The following ROBO1 variants were observed in gnomAD, a reference collection of about 807,000 sequenced individuals.
ROBO1 encodes the protein roundabout guidance receptor 1.
In ROBO1, 149 loss-of-function variants were observed where a neutral mutation model predicts 195.9. That is an observed-to-expected ratio of 0.76 (90% CI 0.67 to 0.87). ROBO1 has a LOEUF of 0.87. Among genes scored for constraint, ROBO1 ranks in the 40% least tolerant of loss-of-function variants. ROBO1 has a pLI of 0.00. For synonymous variants in ROBO1, 816 were observed against 733.2 expected, an observed-to-expected ratio of 1.11 and a Z score of -1.82; for missense variants, 1,933 against 2,068.3, an observed-to-expected ratio of 0.93 and a Z score of 1.27.
At chr3:79,075,775 T>C (rs1006803644) in intron 3 of ROBO1, among the ~76,000 whole-genome samples, 1 of 151,940 alleles carries the variant, frequency 6.6e-6, no homozygotes, top group African/African-American at 2.4e-5. Flanking sequence ...TGTGTTTCAC[T>C]GGGCACTATA....
intron 3 of ROBO1, among the ~76,000 whole-genome samples, chr3:79,107,661 T>G (rs1468757423): frequency 6.6e-6 from 1 of 151,704 alleles, no homozygotes; most frequent in Non-Finnish European, 1.5e-5. Context: ...ATTTTCTAAA[T>G]TACCTGTATT....
chr3:79,311,676 T>C (rs1328083296), intron 2 of ROBO1, among the ~76,000 whole-genome samples: 1 of 152,156 alleles, frequency 6.6e-6, no homozygotes, highest in Non-Finnish European at 1.5e-5. Context: ...CTCCCAGAGA[T>C]GTGGCCTCCA....
intron 3 of ROBO1, among the ~76,000 whole-genome samples, chr3:78,957,515 G>T (rs1410491329): frequency 6.6e-6 from 1 of 152,164 alleles, no homozygotes; most frequent in African/African-American, 2.4e-5. Flanking sequence ...TGCAAGTTGT[G>T]TATGCAGAAC....
chr3:78,850,700 G>A (rs886374305), intron 4 of ROBO1, among the ~76,000 whole-genome samples: 5 of 152,154 alleles, frequency 3.3e-5, no homozygotes, highest in Non-Finnish European at 7.4e-5. Context: ...TGATGATAGT[G>A]GAGTACAAGG....
At position 79,646,195 on chromosome 3, in the gene ROBO1, T is replaced by G. The variant is rs115990458; in HGVS notation, c.-50-56234A>C. 7.2e-3 allele frequency among the ~76,000 whole-genome samples: 1,102 copies of G among 152,084 alleles called. 12 individuals are homozygous for G. The highest frequency in any genetic ancestry group is 0.026 in the African/African-American group (1,063 of 41,518). ...TAATAACCAGAATACAAAAAGGGCT[T>G]AACCAACTCAGTAGCAAAATAACAA... is the stretch of plus-strand genomic sequence containing the variant. On this transcript the variant is annotated intron_variant, in intron 1 of 30. Coordinates refer to ENST00000464233, the MANE Select transcript of ROBO1 (RefSeq NM_002941.4).
chr3:78,853,329 A>G (rs2034191474), intron 4 of ROBO1, among the ~76,000 whole-genome samples: 1 of 150,702 alleles, frequency 6.6e-6, no homozygotes, highest in Non-Finnish European at 1.5e-5. Context: ...CACACTCTCT[A>G]TATTTAGAGA....
chr3:79,467,529 G>A (rs968395887), intron 2 of ROBO1, among the ~76,000 whole-genome samples: 1 of 151,748 alleles, frequency 6.6e-6, no homozygotes, highest in African/African-American at 2.4e-5. Context: ...GAGAAGGAGT[G>A]TCTGAATGTC....
chr3:79,475,788 T>C (rs1938519237), intron 2 of ROBO1, among the ~76,000 whole-genome samples: 1 of 152,086 alleles, frequency 6.6e-6, no homozygotes, highest in African/African-American at 2.4e-5. Context: ...GCATAAGAGT[T>C]CTTTGTAAAC....
intron 1 of ROBO1, among the ~76,000 whole-genome samples, chr3:79,763,644 C>G (rs1704829715): frequency 6.6e-6 from 1 of 152,096 alleles, no homozygotes; most frequent in Admixed American, 6.5e-5. Flanking sequence ...TACATATGCA[C>G]AAATTTCAAA....
chr3:79,257,854 A>G (rs1369498683), intron 2 of ROBO1, among the ~76,000 whole-genome samples: 2 of 152,274 alleles, frequency 1.3e-5, no homozygotes, highest in African/African-American at 4.8e-5. Flanking sequence ...TAAACCAAAA[A>G]TGATGACTAA....
intron 3 of ROBO1, among the ~76,000 whole-genome samples, chr3:79,062,280 A>C (rs2108406757): frequency 6.6e-6 from 1 of 152,284 alleles, no homozygotes; most frequent in East Asian, 1.9e-4. Context: ...GAGAAATGCA[A>C]ATCAAAACCA....
chr3:78,716,422 A>G (rs1181947138), intron 7 of ROBO1, among the ~76,000 whole-genome samples: 1 of 151,978 alleles, frequency 6.6e-6, no homozygotes, highest in East Asian at 1.9e-4. Context: ...GACGCTTATA[A>G]AACCATCAGA....
intron 10 of ROBO1, among the ~76,000 whole-genome samples, chr3:78,683,079 T>C (rs565869368): frequency 2.0e-5 from 3 of 151,786 alleles, no homozygotes; most frequent in Admixed American, 1.3e-4. Flanking sequence ...CAGGGGGAAA[T>C]AATTTAATAT....
At chr3:79,049,950 G>T (rs2108361296) in intron 3 of ROBO1, among the ~76,000 whole-genome samples, 1 of 152,242 alleles carries the variant, frequency 6.6e-6, no homozygotes, top group Admixed American at 6.5e-5. Context: ...ATGCCAAATT[G>T]TCAAGACCAT....
At chr3:78,849,022 TG>T (rs1459106376) in intron 4 of ROBO1, among the ~76,000 whole-genome samples, 3 of 152,022 alleles carry the variant, frequency 2.0e-5, no homozygotes, top group Admixed American at 2.0e-4. Flanking sequence ...ATGGATTGGA[TG>T]GGGGGCATGA....
intron 1 of ROBO1, among the ~76,000 whole-genome samples, chr3:79,622,968 A>G (rs1381211688): frequency 6.6e-6 from 1 of 152,130 alleles, no homozygotes; most frequent in African/African-American, 2.4e-5. Context: ...AGGAGCCAGC[A>G]CCCATCTTTG....
chr3:78,868,165 G>C (rs964071230), intron 4 of ROBO1, among the ~76,000 whole-genome samples: 2 of 152,092 alleles, frequency 1.3e-5, no homozygotes, highest in African/African-American at 4.8e-5. Context: ...AAGGGCATGA[G>C]GAAAGGGAGC....
At chr3:79,201,829 TGTA>T (rs945408780) in intron 2 of ROBO1, among the ~76,000 whole-genome samples, 1 of 151,210 alleles carries the variant, frequency 6.6e-6, no homozygotes, top group African/African-American at 2.4e-5. Context: ...GTATTATTGT[TGTA>T]GTAATAATTA....
chr3:78,704,855 T>G (rs559626945), intron 8 of ROBO1, among the ~76,000 whole-genome samples: 1 of 152,144 alleles, frequency 6.6e-6, no homozygotes, highest in East Asian at 1.9e-4. Context: ...AAAACAGTCA[T>G]ACATTCACAC....
Sources: gnomAD v4.1 joint callset for allele counts (sites outside exome capture counted in the v4.1 genomes callset) on GRCh38, gnomAD v4.1.1 for gene constraint, MANE v1.5 for transcripts, NCBI Gene and HGNC (gene_info 2026-07-23, HGNC 2026-07-21) for gene names.